Variants in NBPF20 observed in about 807,000 individuals in gnomAD.
The protein encoded by NBPF20 is NBPF member 20, also known as NBPF family member NBPF20.
A neutral mutation model predicts 68.1 loss-of-function variants in NBPF20; 90 were observed. The observed-to-expected ratio is 1.32, with a 90% CI of 1.11 to 1.58. NBPF20 has a LOEUF of 1.58. NBPF20 is among the 40% of genes most tolerant of loss of function. NBPF20 has a pLI of 0.00. For synonymous variants in NBPF20, 290 were observed against 228.1 expected, an observed-to-expected ratio of 1.27 and a Z score of -2.45; for missense variants, 816 against 601.2, an observed-to-expected ratio of 1.36 and a Z score of -3.74.
exon 138 of NBPF20, chr1:145,291,384 G>A (rs1661068369): frequency 1.3e-6 from 2 of 1,568,804 alleles, no homozygotes; most frequent in Non-Finnish European, 1.7e-6. Flanking sequence ...CCACTGGCAT[G>A]GTTTGAGAAT....
chr1:145,422,260 G>T, the NBPF20 span, among the ~76,000 whole-genome samples: 3 of 151,354 alleles, frequency 2.0e-5, no homozygotes, highest in African/African-American at 4.8e-5. Flanking sequence ...TAAATAAAGA[G>T]TCAAAACTGT....
At chr1:145,394,230 A>T in intron 8 of NBPF20, among the ~76,000 whole-genome samples, 2 of 151,898 alleles carry the variant, frequency 1.3e-5, no homozygotes, top group East Asian at 3.8e-4. Context: ...GTAGGCAAAT[A>T]GTTCTAACAC....
intron 137 of NBPF20, 31 bp downstream of exon 142, chr1:145,292,350 G>A (rs782013162): frequency 9.0e-6 from 6 of 663,626 alleles, no homozygotes; most frequent in East Asian, 7.6e-5. Context: ...TGTTAACACA[G>A]AATTAAGCAT....
At chr1:145,421,809 G>A in the NBPF20 span, among the ~76,000 whole-genome samples, 1 of 152,148 alleles carries the variant, frequency 6.6e-6, no homozygotes, top group South Asian at 2.1e-4. Flanking sequence ...GAGATGCCAA[G>A]GTGGGAGGAT....
exon 138 of NBPF20, chr1:145,291,528 A>G (rs1661084510): frequency 4.3e-6 from 7 of 1,611,890 alleles, no homozygotes; most frequent in East Asian, 2.2e-5. Flanking sequence ...AGGGCTGTTT[A>G]TTGTGGGAAT....
Position 145,395,008 on chromosome 1 carries a change from G to T in NBPF20, c.961C>A (p.Gln321Lys), listed in dbSNP as rs1157152113. ...ATGTCAACAGCCATGCAGACTTGCT[G>T]TTCCTCTAATGAGTGAAATGTGCTG... is the stretch of plus-strand genomic sequence containing the variant. Residue 321 changes from glutamine (Q) to lysine (K), a missense_variant, in exon 8 of 138, where the codon CAG becomes AAG. Gln to Lys is a moderately conservative substitution (Grantham distance 53). Transcript: ENST00000369373. 16 of 1,611,890 alleles carry T rather than the reference G, an allele frequency of 9.9e-6. No homozygotes were observed. In the East Asian group the frequency reaches 2.9e-4, roughly 29 times the overall value.
chr1:145,408,321 C>A (rs1176271962), upstream of NBPF20: 3 of 153,318 alleles, frequency 2.0e-5, no homozygotes, highest in African/African-American at 7.2e-5. Flanking sequence ...GATAGATGGA[C>A]AGACACCTTC....
intron 137 of NBPF20, 118 bp from the exon 143 acceptor site, chr1:145,291,887 A>C (rs1402036454): frequency 1.2e-5 from 19 of 1,581,756 alleles, no homozygotes; most frequent in Admixed American, 5.7e-5. Context: ...TAGATCCATT[A>C]ATGAGGTAAA....
chr1:145,291,559 C>T (rs371537256), exon 138 of NBPF20: 1 of 1,611,884 alleles, frequency 6.2e-7, no homozygotes, highest in Non-Finnish European at 8.5e-7. Flanking sequence ...TCTGGAACAC[C>T]AGGTGGAGAC....
intron 8 of NBPF20, 77 bp downstream of exon 13, chr1:145,394,901 G>T: frequency 2.0e-6 from 3 of 1,472,016 alleles, no homozygotes; most frequent in Admixed American, 1.7e-5. Flanking sequence ...CCCAACAAGG[G>T]GCACAAGGCC....
rs1553665948 is a variant in NBPF20, at chr1:145,403,271, G to A, written c.223C>T (p.Arg75Ter). The change falls in exon 3 of 138, where the codon CGA (arginine) becomes TGA (stop). Residue 75 changes from arginine to a stop codon, truncating the protein, a stop_gained. Coordinates refer to ENST00000369373, the Ensembl canonical transcript of NBPF20. LOFTEE classifies it high-confidence loss of function. ...GCAAGCTTCTCCTCCTTGAACTGTC[G>A]CTCATTCCTCAGCATAGATTTTATG... is the stretch of plus-strand genomic sequence containing the variant. 9.5e-5 allele frequency: 153 copies of A among 1,611,136 alleles called. No individual in the cohort carries two copies. The highest frequency in any genetic ancestry group is 1.5e-4 in the South Asian group (14 of 90,998).
At chr1:145,401,065 G>A (rs1662500409) in exon 5 of NBPF20, 3 of 1,607,566 alleles carry the variant, frequency 1.9e-6, no homozygotes, top group East Asian at 4.5e-5. Context: ...TTACCTGGGG[G>A]CAGACGATTT....
upstream of NBPF20, among the ~76,000 whole-genome samples, chr1:145,410,341 G>C (rs1662959536): frequency 6.8e-6 from 1 of 147,662 alleles, no homozygotes; most frequent in Non-Finnish European, 1.5e-5. Flanking sequence ...TTGAGACGGA[G>C]TCTCGCTCTG....
chr1:145,397,948 A>C (rs1218529356), intron 7 of NBPF20, among the ~76,000 whole-genome samples: 1 of 152,196 alleles, frequency 6.6e-6, no homozygotes, highest in African/African-American at 2.4e-5. Flanking sequence ...GTCTCTGATA[A>C]AACAGACTTT....
At chr1:145,393,107 G>C (rs1255859045) in exon 10 of NBPF20, 3 of 702,430 alleles carry the variant, frequency 4.3e-6, no homozygotes, top group Non-Finnish European at 7.0e-6. Flanking sequence ...ATACGCTGTT[G>C]CTCCAATACG....
At chr1:145,425,386 G>T in the NBPF20 span, among the ~76,000 whole-genome samples, 2 of 152,040 alleles carry the variant, frequency 1.3e-5, no homozygotes, top group Admixed American at 1.3e-4. Flanking sequence ...GCTGTAAACC[G>T]TAACTTCCCA....
chr1:145,393,846 C>G (rs1662070193), intron 9 of NBPF20, 38 bp downstream of exon 14: 2 of 1,465,778 alleles, frequency 1.4e-6, no homozygotes, highest in Non-Finnish European at 1.9e-6. Flanking sequence ...CTCCAGGTGT[C>G]AACATCAAAT....
chr1:145,397,488 C>T (rs1218512240), intron 7 of NBPF20, among the ~76,000 whole-genome samples: 2 of 152,164 alleles, frequency 1.3e-5, no homozygotes. Context: ...CCAAACAAAG[C>T]TTCATAAGTG....
At chr1:145,291,439 C>T in exon 138 of NBPF20, 1 of 1,611,010 alleles carries the variant, frequency 6.2e-7, no homozygotes. Context: ...TCTGGGCTTC[C>T]AAATGGAACT....
Sources: gnomAD v4.1 joint callset for allele counts (sites outside exome capture counted in the v4.1 genomes callset) on GRCh38, gnomAD v4.1.1 for gene constraint, MANE v1.5 for transcripts, NCBI Gene and HGNC (gene_info 2026-07-23, HGNC 2026-07-21) for gene names.